Variants in PIK3R1 observed in about 807,000 individuals in gnomAD.
PIK3R1 encodes phosphatidylinositol 3-kinase regulatory subunit alpha.
In PIK3R1, 29 loss-of-function variants were observed where a neutral mutation model predicts 98.0. That is an observed-to-expected ratio of 0.30 (90% CI 0.22 to 0.40). PIK3R1 has a LOEUF of 0.40. Ranked by LOEUF, PIK3R1 falls within the 10% of genes least tolerant of loss-of-function variation. The pLI, the probability that PIK3R1 is intolerant of heterozygous loss-of-function variation, is 1.00. For synonymous variants in PIK3R1, 282 were observed against 311.8 expected, an observed-to-expected ratio of 0.90 and a Z score of 1.01; for missense variants, 596 against 872.7, an observed-to-expected ratio of 0.68 and a Z score of 3.99.
At chr5:68,253,957 A>C (rs559143769) in intron 2 of PIK3R1, among the ~76,000 whole-genome samples, 2 of 148,410 alleles carry the variant, frequency 1.3e-5, no homozygotes, top group Non-Finnish European at 3.0e-5. Context: ...AATAAATGTC[A>C]TGTTTTTTAT....
intron 2 of PIK3R1, among the ~76,000 whole-genome samples, chr5:68,261,901 T>G (rs577187797): frequency 1.3e-5 from 2 of 152,296 alleles, no homozygotes; most frequent in African/African-American, 4.8e-5. Context: ...CTTCCCTTTC[T>G]GCTGAAGACA....
intron 2 of PIK3R1, among the ~76,000 whole-genome samples, chr5:68,232,226 G>A (rs1322458698): frequency 6.6e-6 from 1 of 152,154 alleles, no homozygotes; most frequent in Non-Finnish European, 1.5e-5. Flanking sequence ...ACCCTCTCAT[G>A]AGCATTTATA....
intron 4 of PIK3R1, among the ~76,000 whole-genome samples, chr5:68,275,264 T>A (rs1450249265): frequency 6.6e-6 from 1 of 152,194 alleles, no homozygotes; most frequent in Non-Finnish European, 1.5e-5. Flanking sequence ...GAAGTTAACA[T>A]GCAGAACACT....
At chr5:68,262,821 A>ACATGTATACATATATACATGTAGATG (rs1561278796) in intron 2 of PIK3R1, among the ~76,000 whole-genome samples, 3 of 18,052 alleles carry the variant, frequency 1.7e-4, no homozygotes, top group African/African-American at 3.1e-4. Context: ...ACATGTAGAT[A>ACATGTATACATATATACATGTAGATG]CATGTAGATA....
At chr5:68,287,636 T>C (rs760787017) in intron 7 of PIK3R1, among the ~76,000 whole-genome samples, 1 of 152,218 alleles carries the variant, frequency 6.6e-6, no homozygotes, top group Non-Finnish European at 1.5e-5. Flanking sequence ...ATTGCCACTT[T>C]CTCAAATAAA....
At chr5:68,216,188 G>T (rs1394306770) in intron 1 of PIK3R1, among the ~76,000 whole-genome samples, 2 of 152,120 alleles carry the variant, frequency 1.3e-5, no homozygotes, top group Admixed American at 1.3e-4. Flanking sequence ...CCTGACTCCC[G>T]TTTCCCCCGT....
chr5:68,247,803 C>T (rs898563147), intron 2 of PIK3R1, among the ~76,000 whole-genome samples: 1 of 152,014 alleles, frequency 6.6e-6, no homozygotes, highest in African/African-American at 2.4e-5. Flanking sequence ...TCCTGCCCAA[C>T]GGGACAGGCC....
rs535901858 is a variant in PIK3R1, at chr5:68,226,004, G to A, written c.-386-286G>A. Among the ~76,000 whole-genome samples the A allele has an allele frequency of 5.9e-5, 9 of 152,158 alleles. 1 individual carries two copies. The highest frequency in any genetic ancestry group is 2.2e-4 in the African/African-American group (9 of 41,516). Reference sequence around the variant, plus strand: ...TTAGTTTCTGCCTCTCTTATGACATGTACTAGTGTTGTGGCTCTGTGTACT... The same window carrying A: ...TTAGTTTCTGCCTCTCTTATGACATATACTAGTGTTGTGGCTCTGTGTACT... On this transcript the variant is annotated intron_variant, in intron 1 of 15. Coordinates refer to ENST00000521381, the MANE Select transcript of PIK3R1 (RefSeq NM_181523.3).
In PIK3R1 at chr5:68,288,264, C is replaced by T. The variant is rs1747164151; in HGVS notation, c.917-3995C>T. ...AATGAGCAAGTTGGTCTTGCATTGG[C>T]CACTTGTCAGCCGATGACAACTTTG... On this transcript the variant is annotated intron_variant, in intron 7 of 15. Coordinates refer to ENST00000521381, the MANE Select transcript of PIK3R1 (RefSeq NM_181523.3). 1.1e-5 allele frequency: 3 copies of T among 273,972 alleles called. No homozygotes were observed. The South Asian group carries it at 4.3e-4, about 39-fold the overall frequency. The allele number at this position is 273,972 out of a possible 1,614,324, so 17.0% of individuals were successfully genotyped here. A position where few individuals can be genotyped will look rare whatever the true frequency, so the allele number is the denominator to read the frequency against.
intron 2 of PIK3R1, among the ~76,000 whole-genome samples, chr5:68,229,547 C>T (rs761705994): frequency 6.6e-6 from 1 of 152,150 alleles, no homozygotes; most frequent in Non-Finnish European, 1.5e-5. Flanking sequence ...GGTCTAGGAA[C>T]CACATGCAGT....
At chr5:68,295,672 C>G (rs530591366) in intron 14 of PIK3R1, 184 bp downstream of exon 14, 3 of 609,200 alleles carry the variant, frequency 4.9e-6, no homozygotes, top group Admixed American at 5.8e-5. Context: ...CTAAGGAGGA[C>G]TAGGATTTAT....
chr5:68,264,112 C>T (rs1746021120), intron 2 of PIK3R1, among the ~76,000 whole-genome samples: 1 of 152,078 alleles, frequency 6.6e-6, no homozygotes, highest in Admixed American at 6.6e-5. Flanking sequence ...GAAGAATGTG[C>T]TTTGTTTAGC....
At chr5:68,221,461 C>G (rs891046544) in intron 1 of PIK3R1, among the ~76,000 whole-genome samples, 6 of 152,212 alleles carry the variant, frequency 3.9e-5, no homozygotes, top group Non-Finnish European at 8.8e-5. Context: ...CTTCCATACC[C>G]TCCTGCCTTG....
At chr5:68,288,410 C>G in intron 7 of PIK3R1, 1 of 1,201,418 alleles carries the variant, frequency 8.3e-7, no homozygotes, top group Non-Finnish European at 1.0e-6. Flanking sequence ...GGCTCCTTTC[C>G]TCCCCGATAC....
chr5:68,264,883 G>A (rs1300598385), intron 2 of PIK3R1, among the ~76,000 whole-genome samples: 2 of 152,122 alleles, frequency 1.3e-5, no homozygotes, highest in East Asian at 1.9e-4. Context: ...TACCTAATTC[G>A]TTGTGGTATC....
At chr5:68,275,704 A>C (rs1746544353) in intron 4 of PIK3R1, among the ~76,000 whole-genome samples, 1 of 152,156 alleles carries the variant, frequency 6.6e-6, no homozygotes. Flanking sequence ...AAAAAATATA[A>C]ATAAATAAAT....
intron 2 of PIK3R1, among the ~76,000 whole-genome samples, chr5:68,250,499 G>C (rs567975975): frequency 1.3e-5 from 2 of 152,178 alleles, no homozygotes; most frequent in Non-Finnish European, 2.9e-5. Context: ...TGATAAGTGA[G>C]TTAGTTTTCC....
At chr5:68,261,247 A>G (rs994626318) in intron 2 of PIK3R1, among the ~76,000 whole-genome samples, 2 of 152,222 alleles carry the variant, frequency 1.3e-5, no homozygotes, top group Admixed American at 6.5e-5. Context: ...CATTTTCTCC[A>G]AAACACAGAA....
chr5:68,271,586 TAAA>T (rs1455595780), intron 2 of PIK3R1, among the ~76,000 whole-genome samples: 1 of 80,428 alleles, frequency 1.2e-5, no homozygotes, highest in African/African-American at 1.2e-4. Context: ...TCAGTTAAAA[TAAA>T]AAATTCAGTT....
Sources: gnomAD v4.1 joint callset for allele counts (sites outside exome capture counted in the v4.1 genomes callset) on GRCh38, gnomAD v4.1.1 for gene constraint, MANE v1.5 for transcripts, NCBI Gene and HGNC (gene_info 2026-07-23, HGNC 2026-07-21) for gene names.